MID1: variants seen among roughly 807,000 people sequenced by gnomAD.
The protein encoded by MID1 is midline 1, also known as E3 ubiquitin-protein ligase Midline-1.
MID1 carries 7 observed loss-of-function variants against 40.4 expected under a neutral mutation model. The observed-to-expected ratio is 0.17, with a 90% CI of 0.10 to 0.33. The LOEUF (loss-of-function observed/expected upper bound fraction) is 0.33. Among genes scored for constraint, MID1 ranks in the 10% least tolerant of loss-of-function variants. The pLI is 1.00. For missense variants in MID1, 367 were observed against 558.5 expected (o/e 0.66, Z 3.46); for synonymous variants, 229 against 221.2 (o/e 1.04, Z -0.31).
chrX:10,543,992 T>C (rs1339185491), intron 2 of MID1, among the ~76,000 whole-genome samples: 2 of 110,828 alleles, frequency 1.8e-5, no homozygotes, highest in African/African-American at 6.6e-5. Context: ...GGCAACAGAG[T>C]GAGATTCTGT....
At chrX:10,676,149 C>T (rs866892883) in intron 1 of MID1, among the ~76,000 whole-genome samples, 8 of 112,040 alleles carry the variant, frequency 7.1e-5, no homozygotes, top group Middle Eastern at 4.6e-3. Context: ...TGAAGTTGTA[C>T]CCCCCAAACT....
At chrX:10,519,650 G>C (rs1180299111) in intron 3 of MID1, among the ~76,000 whole-genome samples, 1 of 111,885 alleles carries the variant, frequency 8.9e-6, no homozygotes, top group Admixed American at 9.5e-5. Flanking sequence ...GTTTTACTCT[G>C]ATTCCTCCCT....
chrX:10,735,624 C>T (rs1024938317), intron 1 of MID1, among the ~76,000 whole-genome samples: 4 of 112,258 alleles, frequency 3.6e-5, no homozygotes, highest in African/African-American at 9.7e-5. Context: ...TCTTATCCTT[C>T]GAACTTCAAA....
Position 10,710,397 on chromosome X carries a change from G to C in MID1, c.-186-89978C>G, listed in dbSNP as rs191245580. On this transcript the variant is annotated intron_variant, in intron 1 of 10. Transcript: ENST00000380785. ...ACAAGCAGGCAATATTTTCTTTATA[G>C]ACAAATTGGCTTATACTGGGTTATA... Among the ~76,000 whole-genome samples the C allele has an allele frequency of 1.7e-4, 19 of 111,071 alleles. No homozygotes were observed. In the East Asian group the frequency reaches 3.9e-3, roughly 23 times the overall value.
intron 1 of MID1, among the ~76,000 whole-genome samples, chrX:10,693,138 T>C (rs1156382966): frequency 9.0e-6 from 1 of 111,117 alleles, no homozygotes; most frequent in African/African-American, 3.3e-5. Flanking sequence ...GTAAGAAAGA[T>C]GCAGTAAGTT....
Position 10,760,735 on chromosome X carries a change from T to C in MID1, c.-187+72819A>G, listed in dbSNP as rs150401850. Among the ~76,000 whole-genome samples the C allele has an allele frequency of 3.1e-3, 345 of 111,780 alleles. 1 individual carries two copies. The highest frequency in any genetic ancestry group is 4.2e-3 in the Non-Finnish European group (225 of 53,148). On this transcript the variant is annotated intron_variant, in intron 1 of 10. Transcript: ENST00000380785. ...TACTCAGGAGGCTGAGGCAGGAGGA[T>C]TGCTTGAGCCTAGGAGTTCCATGCT...
At chrX:10,650,881 T>C (rs912202842) in intron 1 of MID1, among the ~76,000 whole-genome samples, 1 of 110,836 alleles carries the variant, frequency 9.0e-6, no homozygotes, top group African/African-American at 3.3e-5. Context: ...GAGTTTCATG[T>C]CTAAGTGGGG....
intron 1 of MID1, among the ~76,000 whole-genome samples, chrX:10,777,236 T>C (rs1437321860): frequency 2.9e-5 from 3 of 101,762 alleles, no homozygotes; most frequent in South Asian, 9.6e-4. Flanking sequence ...AGTCTCTCTG[T>C]CGCCCAGGCT....
chrX:10,742,439 A>G (rs2043529214), intron 1 of MID1, among the ~76,000 whole-genome samples: 1 of 112,189 alleles, frequency 8.9e-6, no homozygotes, highest in African/African-American at 3.2e-5. Flanking sequence ...TTCAGAAGGT[A>G]GAGTTTAGCC....
intron 1 of MID1, among the ~76,000 whole-genome samples, chrX:10,755,043 C>T (rs543868386): frequency 1.8e-5 from 2 of 111,637 alleles, no homozygotes; most frequent in South Asian, 7.5e-4. Flanking sequence ...AAAAGTAATC[C>T]TACAGTGACA....
intron 1 of MID1, among the ~76,000 whole-genome samples, chrX:10,727,650 C>A (rs59863196): frequency 0.12 from 12,858 of 110,835 alleles, 1,177 homozygotes; most frequent in African/African-American, 0.31. Context: ...GGAGAGAGAG[C>A]AAGGATGCAT....
chrX:10,556,316 C>T (rs1934118256), intron 2 of MID1, among the ~76,000 whole-genome samples: 2 of 111,061 alleles, frequency 1.8e-5, no homozygotes, highest in African/African-American at 3.3e-5. Context: ...ATGAAAGAGC[C>T]GCTCCCCTCC....
chrX:10,725,577 G>T (rs1046964815), intron 1 of MID1, among the ~76,000 whole-genome samples: 3 of 111,671 alleles, frequency 2.7e-5, no homozygotes, highest in Non-Finnish European at 3.8e-5. Flanking sequence ...TTAGAAAAAA[G>T]GCCTGGTACG....
At chrX:10,551,455 G>A (rs1185049097) in intron 2 of MID1, among the ~76,000 whole-genome samples, 1 of 112,286 alleles carries the variant, frequency 8.9e-6, no homozygotes, top group Non-Finnish European at 1.9e-5. Flanking sequence ...AGAAAGGTGT[G>A]CAGAGACCTG....
At chrX:10,566,207 T>C (rs1862377249) in intron 2 of MID1, among the ~76,000 whole-genome samples, 1 of 111,571 alleles carries the variant, frequency 9.0e-6, no homozygotes, top group Non-Finnish European at 1.9e-5. Flanking sequence ...GAAGTTCAAA[T>C]AGTCTTGACT....
At chrX:10,820,029 T>C (rs1354862950) in intron 1 of MID1, among the ~76,000 whole-genome samples, 1 of 112,094 alleles carries the variant, frequency 8.9e-6, no homozygotes, top group Non-Finnish European at 1.9e-5. Flanking sequence ...TTCATGGCTC[T>C]CATGTTCTTG....
intron 1 of MID1, among the ~76,000 whole-genome samples, chrX:10,641,653 C>T (rs1936197613): frequency 8.9e-6 from 1 of 111,867 alleles, no homozygotes; most frequent in Admixed American, 9.5e-5. Flanking sequence ...GGAATCCTCC[C>T]TAGTTCATTT....
rs1320017604 is a variant in MID1 at position 10,523,184 on chromosome X, T to C, written c.664A>G (p.Asn222Asp). ...AGGTTGGTGAGGTTACTCTCTAAGT[T>C]TTGCTGTTCAAAAAAAAAAAAAAAA... ...LSERYDKLKQNLESNLTNLIK... is the reference protein window; with the variant it reads ...LSERYDKLKQDLESNLTNLIK... Residue 222 changes from asparagine to aspartate, a missense_variant, in exon 3 of 10, where the codon AAC becomes GAC. Physicochemically the swap from Asn to Asp is conservative, Grantham distance 23 (BLOSUM62 1). Around this residue, in one of 3 missense-constraint regions of MID1, gnomAD observed 275 missense variants for 383.1 expected, o/e 0.72. Coordinates refer to ENST00000317552, the MANE Select transcript of MID1 (RefSeq NM_000381.4). 1 of 1,159,736 alleles carries C rather than the reference T, an allele frequency of 8.6e-7. No individual in the cohort carries two copies. Among genetic ancestry groups the C allele is most frequent in the Non-Finnish European group, 1.2e-6 (1 of 860,820 alleles).
chrX:10,516,560 TTGTG>T (rs57101806), intron 3 of MID1, among the ~76,000 whole-genome samples: 15,481 of 72,967 alleles, frequency 0.21, 1,596 homozygotes, highest in Admixed American at 0.27. Context: ...TACTCTGCTC[TTGTG>T]TGTGTGTGTG....
Sources: gnomAD v4.1 joint callset for allele counts (sites outside exome capture counted in the v4.1 genomes callset) on GRCh38, gnomAD v4.1.1 for gene constraint, gnomAD v4.1.1 regional missense constraint, MANE v1.5 for transcripts, NCBI Gene and HGNC (gene_info 2026-07-23, HGNC 2026-07-21) for gene names.